SGMS2: variants seen among roughly 807,000 people sequenced by gnomAD.
SGMS2 encodes phosphatidylcholine:ceramide cholinephosphotransferase 2.
In SGMS2, 21 loss-of-function variants were observed where a neutral mutation model predicts 43.8. The observed-to-expected ratio is 0.48, with a 90% CI of 0.34 to 0.69. The LOEUF is 0.69. Ranked by LOEUF, SGMS2 falls within the 30% of genes least tolerant of loss-of-function variation. The pLI, the probability that SGMS2 is intolerant of heterozygous loss-of-function variation, is 0.01. For missense variants in SGMS2, 384 were observed against 443.2 expected, an observed-to-expected ratio of 0.87 and a Z score of 1.20; for synonymous variants, 167 against 160.6, an observed-to-expected ratio of 1.04 and a Z score of -0.30.
chr4:107,893,924 G>C (rs1053579605), intron 2 of SGMS2, among the ~76,000 whole-genome samples: 2 of 152,184 alleles, frequency 1.3e-5, no homozygotes, highest in Non-Finnish European at 2.9e-5. Flanking sequence ...CTGTCTCTTT[G>C]GTTAGACTGC....
At chr4:107,892,056 C>T (rs907232935) in intron 2 of SGMS2, among the ~76,000 whole-genome samples, 2 of 150,908 alleles carry the variant, frequency 1.3e-5, no homozygotes, top group African/African-American at 2.4e-5. Context: ...GCCAAGAACT[C>T]TTACCCTCAC....
At chr4:107,879,375 TAAA>T (rs2126077601) in intron 2 of SGMS2, among the ~76,000 whole-genome samples, 1 of 152,234 alleles carries the variant, frequency 6.6e-6, no homozygotes, top group South Asian at 2.1e-4. Flanking sequence ...TACAACACTT[TAAA>T]GGGATAAGTG....
At position 107,912,570 on chromosome 4, in the gene SGMS2, CTGG is replaced by C. The variant is rs1337901091; in HGVS notation, c.*2020_*2022del. 6.6e-6 allele frequency: 1 copy of C among 152,160 alleles called. No homozygotes were observed. The highest frequency in any genetic ancestry group is 1.5e-5 in the Non-Finnish European group (1 of 68,040). The allele number at this position is 152,160 out of a possible 1,614,324, so 9.4% of individuals were successfully genotyped here. A position where few individuals can be genotyped will look rare whatever the true frequency, so the allele number is the denominator to read the frequency against. On this transcript the variant is annotated 3_prime_UTR_variant, in exon 7 of 7. Transcript: ENST00000690982. ...AAGCCTGGATTTTGCTCTCCTAACA[CTGG>C]TGTTTTCCTTGAGCCTCTAATTCAA...
intron 2 of SGMS2, among the ~76,000 whole-genome samples, chr4:107,888,615 T>C (rs1729946381): frequency 6.6e-6 from 1 of 152,082 alleles, no homozygotes; most frequent in South Asian, 2.1e-4. Context: ...AAAAAAAAAT[T>C]ATTTTTATAA....
chr4:107,835,893 T>C (rs921008902), intron 1 of SGMS2, among the ~76,000 whole-genome samples: 6 of 152,190 alleles, frequency 3.9e-5, no homozygotes, highest in African/African-American at 1.4e-4. Flanking sequence ...CCTAAAGAGT[T>C]AACCATCTCC....
At chr4:107,873,850 T>A (rs1560651949) in intron 2 of SGMS2, 1 of 152,176 alleles carries the variant, frequency 6.6e-6, no homozygotes, top group Non-Finnish European at 1.5e-5. Context: ...TTGATCCCCC[T>A]GTAAGTTTTA....
At chr4:107,836,571 G>A (rs77745472) in intron 1 of SGMS2, among the ~76,000 whole-genome samples, 5,290 of 152,210 alleles carry the variant, frequency 0.035, 309 homozygotes, top group African/African-American at 0.12. Context: ...CATCTGGTCT[G>A]GTCTCTTAGC....
intron 2 of SGMS2, chr4:107,874,111 G>A (rs533105174): frequency 1.3e-5 from 2 of 152,194 alleles, no homozygotes; most frequent in Admixed American, 1.3e-4. Flanking sequence ...CAAAATAAGA[G>A]CTGTATACTG....
intron 3 of SGMS2, among the ~76,000 whole-genome samples, chr4:107,898,955 C>T (rs918841844): frequency 1.3e-5 from 2 of 152,058 alleles, no homozygotes; most frequent in African/African-American, 4.8e-5. Flanking sequence ...TGTATGAGAA[C>T]ACTTTGGACA....
chr4:107,908,863 C>A, intron 6 of SGMS2, 132 bp downstream of exon 6: 2 of 705,802 alleles, frequency 2.8e-6, no homozygotes, highest in Non-Finnish European at 4.5e-6. Flanking sequence ...ATATCCATTA[C>A]TGCTTTTTAA....
At chr4:107,858,178 G>T (rs376137076) in intron 1 of SGMS2, among the ~76,000 whole-genome samples, 3 of 152,308 alleles carry the variant, frequency 2.0e-5, no homozygotes, top group Admixed American at 2.0e-4. Context: ...GTGTTAGAAC[G>T]CGAACATCAG....
At chr4:107,866,293 T>C (rs1037203567) in intron 2 of SGMS2, among the ~76,000 whole-genome samples, 1 of 152,064 alleles carries the variant, frequency 6.6e-6, no homozygotes, top group Non-Finnish European at 1.5e-5. Flanking sequence ...GGCTGGGCAT[T>C]GTGGCTCACA....
chr4:107,834,091 C>A (rs1726041066), intron 1 of SGMS2, among the ~76,000 whole-genome samples: 1 of 152,192 alleles, frequency 6.6e-6, no homozygotes, highest in African/African-American at 2.4e-5. Context: ...AATCTGTGTT[C>A]TTTTAAGCCT....
chr4:107,902,304 T>G (rs374394855), intron 4 of SGMS2, among the ~76,000 whole-genome samples: 17 of 121,418 alleles, frequency 1.4e-4, no homozygotes, highest in African/African-American at 5.9e-4. Flanking sequence ...AAAAAAAAGG[T>G]CTTTCTGTAT....
At chr4:107,893,196 T>C (rs1396568231) in intron 2 of SGMS2, 1 of 152,140 alleles carries the variant, frequency 6.6e-6, no homozygotes, top group East Asian at 1.9e-4. Flanking sequence ...GGTTACTAAT[T>C]GGATTTTCTT....
chr4:107,882,167 T>C (rs958666386), intron 2 of SGMS2, among the ~76,000 whole-genome samples: 9 of 152,128 alleles, frequency 5.9e-5, no homozygotes, highest in Non-Finnish European at 1.0e-4. Context: ...CTATTTTTAG[T>C]TTTCTGAGGA....
At chr4:107,903,495 AGACG>A in intron 5 of SGMS2, 109 bp downstream of exon 5, 1 of 994,398 alleles carries the variant, frequency 1.0e-6, no homozygotes, top group Non-Finnish European at 1.5e-6. Flanking sequence ...GCTGTGAAAG[AGACG>A]GATGTGTGTG....
Position 107,843,433 on chromosome 4 carries a change from A to G in SGMS2, c.-326-15039A>G, listed in dbSNP as rs368757819. On this transcript the variant is annotated intron_variant, in intron 1 of 6. Transcript: ENST00000690982. ...CACAAATGTTCCTAATAGTTTCTTA[A>G]TATGGAATTTGGAAGCAGAAGTAGT... 7.9e-5 allele frequency among the ~76,000 whole-genome samples: 12 copies of G among 152,334 alleles called. No individual in the cohort carries two copies. The East Asian group carries it at 2.1e-3, about 27-fold the overall frequency.
At chr4:107,908,512 A>T in intron 5 of SGMS2, 53 bp from the exon 6 acceptor site, 1 of 1,549,432 alleles carries the variant, frequency 6.5e-7, no homozygotes, top group South Asian at 1.2e-5. Context: ...GACTGTAATC[A>T]TTACATTCAT....
Sources: gnomAD v4.1 joint callset for allele counts (sites outside exome capture counted in the v4.1 genomes callset) on GRCh38, gnomAD v4.1.1 for gene constraint, MANE v1.5 for transcripts, NCBI Gene and HGNC (gene_info 2026-07-23, HGNC 2026-07-21) for gene names.